Variants in KIAA1217 observed in about 807,000 individuals in gnomAD.
KIAA1217 encodes the protein KIAA1217.
KIAA1217 carries 88 observed loss-of-function variants against 163.9 expected under a neutral mutation model. The ratio of observed to expected loss-of-function variants is 0.54; its 90% CI spans 0.45 to 0.64. KIAA1217 has a LOEUF of 0.64. KIAA1217 is among the 30% of genes least tolerant of loss of function. The probability of loss-of-function intolerance (pLI) is 0.00; values close to 1 mark genes in which losing one functional copy is unlikely to be tolerated. For synonymous variants in KIAA1217, 903 were observed against 923.1 expected, an observed-to-expected ratio of 0.98 and a Z score of 0.39; for missense variants, 2,372 against 2,475.0, an observed-to-expected ratio of 0.96 and a Z score of 0.88.
rs2063722793 is a variant in KIAA1217 at position 24,473,359 on chromosome 10, C to T, written c.978C>T (p.Ser326=). Residue 326 remains serine, a synonymous_variant, in exon 6 of 21, where the codon TCC becomes TCT. Transcript: ENST00000376454. ...STPVPHSMPP[S]PSRIPYGGTR... ...CAGTGCCCCATTCCATGCCCCCCTC[C>T]CCGTCCAGAATTCCTTATGGGGGCA... 1 of 1,605,206 alleles carries T rather than the reference C, an allele frequency of 6.2e-7. No individual in the cohort carries two copies. Among genetic ancestry groups the T allele is most frequent in the Non-Finnish European group, 8.5e-7 (1 of 1,174,970 alleles).
intron 2 of KIAA1217, among the ~76,000 whole-genome samples, chr10:24,175,863 C>A (rs555044979): frequency 6.6e-6 from 1 of 152,278 alleles, no homozygotes; most frequent in African/African-American, 2.4e-5. Flanking sequence ...CATTGTCTCA[C>A]TGGCCTCAGG....
intron 2 of KIAA1217, among the ~76,000 whole-genome samples, chr10:24,253,461 C>T (rs1036073263): frequency 3.3e-5 from 5 of 152,134 alleles, no homozygotes; most frequent in Non-Finnish European, 5.9e-5. Context: ...GCTCCCATGC[C>T]GAGTGTTCTT....
chr10:24,248,203 A>G (rs2074044405), intron 2 of KIAA1217, among the ~76,000 whole-genome samples: 1 of 152,188 alleles, frequency 6.6e-6, no homozygotes, highest in Admixed American at 6.5e-5. Flanking sequence ...GGCAAAAGGA[A>G]TCCCAGATAG....
At chr10:23,964,660 A>G (rs1464894527) in intron 1 of KIAA1217, among the ~76,000 whole-genome samples, 1 of 151,988 alleles carries the variant, frequency 6.6e-6, no homozygotes, top group East Asian at 1.9e-4. Context: ...GGTTCAATCA[A>G]TTCTCCTGCC....
rs58860919 is a variant in KIAA1217 at position 24,232,977 on chromosome 10, T to TAGCCAGGC, written c.354+13070_354+13077dup. On this transcript the variant is annotated intron_variant, in intron 2 of 20. Coordinates refer to ENST00000376454, the MANE Select transcript of KIAA1217 (RefSeq NM_019590.5). The stretch of plus-strand genomic sequence containing the variant: ...AAAAAAAAAAAGAATAAAGAAAAAT[T>TAGCCAGGC]AGCCAGGCATAGTGGTGTACACCTA... Among the ~76,000 whole-genome samples, 82 of 124,566 alleles carry TAGCCAGGC rather than the reference T, an allele frequency of 6.6e-4. 1 individual carries two copies. The East Asian group carries it at 0.014, about 22-fold the overall frequency. 81.7% of individuals were successfully genotyped at this position (124,566 alleles called of 152,430 possible). A position where few individuals can be genotyped will look rare whatever the true frequency, so the allele number is the denominator to read the frequency against.
At chr10:23,794,374 C>T (rs1836099265) in intron 1 of KIAA1217, among the ~76,000 whole-genome samples, 1 of 152,170 alleles carries the variant, frequency 6.6e-6, no homozygotes, top group South Asian at 2.1e-4. Flanking sequence ...GTAAGGAAAC[C>T]GACCCATCCT....
At chr10:24,433,898 G>A (rs552538308) in intron 4 of KIAA1217, among the ~76,000 whole-genome samples, 8 of 152,078 alleles carry the variant, frequency 5.3e-5, no homozygotes, top group Admixed American at 2.0e-4. Context: ...TTACTTTCCA[G>A]GTGGCCTTTC....
intron 2 of KIAA1217, among the ~76,000 whole-genome samples, chr10:24,067,923 G>C (rs912022456): frequency 2.0e-5 from 3 of 151,952 alleles, no homozygotes; most frequent in African/African-American, 7.3e-5. Context: ...AGGCTCCATG[G>C]GTGTAGGACC....
At chr10:24,268,650 G>C in intron 2 of KIAA1217, among the ~76,000 whole-genome samples, 1 of 82,422 alleles carries the variant, frequency 1.2e-5, no homozygotes, top group Non-Finnish European at 2.4e-5. Context: ...AGTCAGCGTG[G>C]AGATTCCTCA....
intron 2 of KIAA1217, among the ~76,000 whole-genome samples, chr10:24,232,869 ACTTT>A (rs1404765075): frequency 2.4e-5 from 3 of 127,472 alleles, no homozygotes; most frequent in African/African-American, 8.8e-5. Flanking sequence ...TAATCCCAGC[ACTTT>A]GGGAGGCTGA....
intron 20 of KIAA1217, chr10:24,545,613 TC>T (rs1194759251): frequency 7.2e-7 from 1 of 1,385,612 alleles, no homozygotes; most frequent in Non-Finnish European, 9.3e-7. Context: ...AATGTATTCT[TC>T]CTTTCCTCCT....
intron 2 of KIAA1217, among the ~76,000 whole-genome samples, chr10:24,170,690 A>G (rs2065587182): frequency 6.6e-6 from 1 of 152,232 alleles, no homozygotes; most frequent in Non-Finnish European, 1.5e-5. Context: ...ATAGAGCAAA[A>G]GATTTAAGTT....
At chr10:24,221,175 CA>C (rs2069588115) in intron 2 of KIAA1217, among the ~76,000 whole-genome samples, 2 of 152,140 alleles carry the variant, frequency 1.3e-5, no homozygotes, top group African/African-American at 4.8e-5. Flanking sequence ...AGACATTACC[CA>C]ACTGTGGCTA....
At chr10:24,395,595 C>T (rs1277375170) in intron 3 of KIAA1217, among the ~76,000 whole-genome samples, 2 of 152,208 alleles carry the variant, frequency 1.3e-5, no homozygotes, top group African/African-American at 4.8e-5. Context: ...TGCTTTGATT[C>T]AGTAATTGGC....
At chr10:24,293,309 G>T (rs1021121872) in intron 2 of KIAA1217, among the ~76,000 whole-genome samples, 23 of 152,194 alleles carry the variant, frequency 1.5e-4, no homozygotes, top group Non-Finnish European at 1.9e-4. Flanking sequence ...GACCTCAAGT[G>T]ATCTGCCAGC....
chr10:24,280,852 A>G (rs1205872368), intron 2 of KIAA1217, among the ~76,000 whole-genome samples: 1 of 152,102 alleles, frequency 6.6e-6, no homozygotes, highest in African/African-American at 2.4e-5. Context: ...TACTTCTTCA[A>G]CTTAAGATGG....
intron 14 of KIAA1217, 59 bp downstream of exon 14, chr10:24,528,178 T>C (rs1365884803): frequency 6.9e-7 from 1 of 1,446,684 alleles, no homozygotes; most frequent in East Asian, 2.3e-5. Flanking sequence ...GCAAATACAG[T>C]GCCATCCACG....
chr10:23,708,625 G>A (rs1472968006), intron 1 of KIAA1217, among the ~76,000 whole-genome samples: 3 of 152,174 alleles, frequency 2.0e-5, no homozygotes, highest in African/African-American at 4.8e-5. Context: ...GGCAGTCCTT[G>A]CGGAAGGCCA....
intron 1 of KIAA1217, among the ~76,000 whole-genome samples, chr10:23,928,147 A>C (rs1843106872): frequency 6.6e-6 from 1 of 152,282 alleles, no homozygotes; most frequent in East Asian, 1.9e-4. Flanking sequence ...TCTTTGAGAC[A>C]TTGTGCTTGT....
Sources: gnomAD v4.1 joint callset for allele counts (sites outside exome capture counted in the v4.1 genomes callset) on GRCh38, gnomAD v4.1.1 for gene constraint, MANE v1.5 for transcripts, NCBI Gene and HGNC (gene_info 2026-07-23, HGNC 2026-07-21) for gene names.